Variants in LDLRAD3 observed in about 807,000 individuals in gnomAD.
The protein encoded by LDLRAD3 is low-density lipoprotein receptor class A domain-containing protein 3.
In LDLRAD3, 20 loss-of-function variants were observed where a neutral mutation model predicts 29.4. That is an observed-to-expected ratio of 0.68 (90% CI 0.48 to 0.99). The LOEUF is 0.99. LDLRAD3 is among the 50% of genes least tolerant of loss of function. The probability of loss-of-function intolerance (pLI) is 0.00; values close to 1 mark genes in which losing one functional copy is unlikely to be tolerated. For synonymous variants in LDLRAD3, 157 were observed against 192.7 expected, an observed-to-expected ratio of 0.81 and a Z score of 1.53; for missense variants, 420 against 454.3, an observed-to-expected ratio of 0.92 and a Z score of 0.69.
chr11:36,062,715 C>G (rs1428795534), intron 2 of LDLRAD3, among the ~76,000 whole-genome samples: 5 of 152,142 alleles, frequency 3.3e-5, no homozygotes, highest in Non-Finnish European at 7.3e-5. Flanking sequence ...GGCTTTTCCC[C>G]CATTTGCTTG....
chr11:35,958,919 C>T lies in LDLRAD3; in HGVS notation c.46+14775C>T, dbSNP rs547778841. 3.8e-4 allele frequency among the ~76,000 whole-genome samples: 58 copies of T among 152,142 alleles called. 1 individual carries two copies. Among genetic ancestry groups the T allele is most frequent in the African/African-American group, 1.4e-3 (58 of 41,500 alleles). ...GCGCTGCTCTCGTCTAGATTGCAGA[C>T]CCTCCTGGAAACTTTGCAAGAAGGC... On this transcript the variant is annotated intron_variant, in intron 1 of 5. Coordinates refer to ENST00000315571, the MANE Select transcript of LDLRAD3 (RefSeq NM_174902.4).
chr11:36,084,563 T>C (rs1318280547), intron 3 of LDLRAD3, among the ~76,000 whole-genome samples: 1 of 152,228 alleles, frequency 6.6e-6, no homozygotes, highest in African/African-American at 2.4e-5. Context: ...ATTTATCCCC[T>C]CGTTCCTATG....
At chr11:36,178,325 TC>T (rs917646192) in intron 4 of LDLRAD3, among the ~76,000 whole-genome samples, 8 of 152,140 alleles carry the variant, frequency 5.3e-5, no homozygotes, top group Non-Finnish European at 1.5e-5. Flanking sequence ...TTCCCACTGT[TC>T]CCCTCCCCGC....
chr11:36,180,658 C>T (rs1011024816), intron 4 of LDLRAD3, among the ~76,000 whole-genome samples: 1 of 151,932 alleles, frequency 6.6e-6, no homozygotes, highest in Non-Finnish European at 1.5e-5. Flanking sequence ...CATATTTTGA[C>T]AGGATCATCT....
chr11:35,984,509 T>C (rs1261139082), intron 1 of LDLRAD3, among the ~76,000 whole-genome samples: 1 of 152,188 alleles, frequency 6.6e-6, no homozygotes, highest in Non-Finnish European at 1.5e-5. Flanking sequence ...AAACAGGTCA[T>C]CTGTACCGCT....
intron 1 of LDLRAD3, among the ~76,000 whole-genome samples, chr11:36,019,655 G>C (rs1010123247): frequency 1.3e-5 from 2 of 152,184 alleles, no homozygotes; most frequent in African/African-American, 4.8e-5. Context: ...CAGTAGTAAA[G>C]GGCTTGTGCC....
rs1854197993 is a variant in LDLRAD3 at position 36,146,611 on chromosome 11, A to T, written c.454+48150A>T. ...TTGTTCCTTCTGCGGACCCTGAGGG[A>T]AAATTCACTGCATACCTTTCTCCTA... On this transcript the variant is annotated intron_variant, in intron 4 of 5. Coordinates refer to ENST00000315571, the MANE Select transcript of LDLRAD3 (RefSeq NM_174902.4). 2.6e-5 allele frequency among the ~76,000 whole-genome samples: 4 copies of T among 152,130 alleles called. No homozygotes were observed. The South Asian group carries it at 8.3e-4, about 31-fold the overall frequency.
intron 4 of LDLRAD3, among the ~76,000 whole-genome samples, chr11:36,212,232 G>A (rs1043205926): frequency 2.6e-5 from 4 of 152,148 alleles, no homozygotes; most frequent in Admixed American, 1.3e-4. Context: ...CTTTGGATGG[G>A]TAGAATGATT....
intron 4 of LDLRAD3, among the ~76,000 whole-genome samples, chr11:36,203,808 G>A (rs971193072): frequency 1.3e-5 from 2 of 152,048 alleles, no homozygotes; most frequent in Non-Finnish European, 2.9e-5. Flanking sequence ...CTCCACCCTT[G>A]CCCCTTCACT....
chr11:36,110,341 G>A (rs976381156), intron 4 of LDLRAD3, among the ~76,000 whole-genome samples: 3 of 152,080 alleles, frequency 2.0e-5, no homozygotes, highest in Non-Finnish European at 4.4e-5. Context: ...TCTCCAGTTG[G>A]TCCCTGCCTC....
rs1324161228 is a variant in LDLRAD3 at position 36,227,466 on chromosome 11, G to T, written c.800+36G>T. The T allele has an allele frequency of 2.1e-6, 3 of 1,450,964 alleles. No homozygotes were observed. The South Asian group carries it at 4.1e-5, about 20-fold the overall frequency. 89.9% of individuals were successfully genotyped at this position (1,450,964 alleles called of 1,614,324 possible). A position where few individuals can be genotyped will look rare whatever the true frequency, so the allele number is the denominator to read the frequency against. On this transcript the variant is annotated intron_variant, in intron 5 of 5. Coordinates refer to ENST00000315571, the MANE Select transcript of LDLRAD3 (RefSeq NM_174902.4). ...GATGGAAGAGATTGAGGCGGGAGAGGTCATCCATTGCGGGGAGGGGAATAG... is the reference window on the plus strand; with the variant it reads ...GATGGAAGAGATTGAGGCGGGAGAGTTCATCCATTGCGGGGAGGGGAATAG...
intron 4 of LDLRAD3, among the ~76,000 whole-genome samples, chr11:36,112,116 C>G (rs1317935033): frequency 6.6e-6 from 1 of 152,166 alleles, no homozygotes; most frequent in African/African-American, 2.4e-5. Context: ...TAAGTTTGTG[C>G]AAACCACACT....
chr11:36,128,009 A>T, intron 4 of LDLRAD3, among the ~76,000 whole-genome samples: 1 of 151,288 alleles, frequency 6.6e-6, no homozygotes, highest in East Asian at 1.9e-4. Flanking sequence ...CTCCTGGTGG[A>T]TGTACACCGA....
chr11:36,175,680 T>A (rs1213538119), intron 4 of LDLRAD3, among the ~76,000 whole-genome samples: 1 of 152,232 alleles, frequency 6.6e-6, no homozygotes, highest in South Asian at 2.1e-4. Flanking sequence ...GAATCCTTGA[T>A]ATAATTTCAG....
intron 4 of LDLRAD3, among the ~76,000 whole-genome samples, chr11:36,127,191 G>C (rs1244719296): frequency 6.6e-6 from 1 of 152,152 alleles, no homozygotes; most frequent in African/African-American, 2.4e-5. Flanking sequence ...AAAGATACAG[G>C]TTTAAGGAAT....
At chr11:36,046,026 A>G (rs2133218995) in intron 2 of LDLRAD3, among the ~76,000 whole-genome samples, 1 of 150,758 alleles carries the variant, frequency 6.6e-6, no homozygotes, top group East Asian at 2.0e-4. Flanking sequence ...ATGCATACCC[A>G]TTGTTCAACT....
At chr11:36,223,368 A>G (rs569543291) in intron 4 of LDLRAD3, among the ~76,000 whole-genome samples, 34 of 152,322 alleles carry the variant, frequency 2.2e-4, no homozygotes, top group Non-Finnish European at 4.0e-4. Context: ...CACAGAAGTC[A>G]GCGTTTTAAA....
chr11:35,975,397 G>A (rs1034304107), intron 1 of LDLRAD3, among the ~76,000 whole-genome samples: 2 of 152,182 alleles, frequency 1.3e-5, no homozygotes, highest in Non-Finnish European at 2.9e-5. Context: ...TGATGGATTA[G>A]TGCCAATCTC....
In LDLRAD3 at chr11:35,978,819, G is replaced by A. The variant is rs536721911; in HGVS notation, c.46+34675G>A. On this transcript the variant is annotated intron_variant, in intron 1 of 5. Coordinates refer to ENST00000315571, the MANE Select transcript of LDLRAD3 (RefSeq NM_174902.4). ...TAACATTCCAAGTGCTTCAGGTCAG[G>A]GGAGGAAAGAGGAGTTATTTTAGCT... is the stretch of plus-strand genomic sequence containing the variant. 5.3e-5 allele frequency among the ~76,000 whole-genome samples: 8 copies of A among 152,262 alleles called. No homozygotes were observed. The South Asian group carries it at 1.0e-3, about 20-fold the overall frequency.
Sources: allele counts gnomAD v4.1 joint callset (sites outside exome capture counted in the v4.1 genomes callset), GRCh38; gene constraint gnomAD v4.1.1; transcripts MANE v1.5; gene names NCBI Gene and HGNC (gene_info 2026-07-23, HGNC 2026-07-21).